The following C1QTNF7 variants were observed in gnomAD, a reference collection of about 807,000 sequenced individuals.
C1QTNF7 encodes complement C1q tumor necrosis factor-related protein 7.
In C1QTNF7, 15 loss-of-function variants were observed where a neutral mutation model predicts 19.6. That is an observed-to-expected ratio of 0.76 (90% confidence interval 0.51 to 1.18). The LOEUF is 1.18. Ranked by LOEUF, C1QTNF7 falls within the 50% of genes most tolerant of loss-of-function variation. The pLI, the probability that C1QTNF7 is intolerant of heterozygous loss-of-function variation, is 0.00. For synonymous variants in C1QTNF7, 142 were observed against 137.5 expected (o/e 1.03, Z -0.23); for missense variants, 324 against 359.7 (o/e 0.90, Z 0.80).
chr4:15,385,568 G>A (rs890609130), intron 1 of C1QTNF7, among the ~76,000 whole-genome samples: 1 of 152,214 alleles, frequency 6.6e-6, no homozygotes, highest in East Asian at 1.9e-4. Context: ...GGCAGTGGGA[G>A]GGGGATCATC....
chr4:15,406,415 G>A (rs1719198088), intron 1 of C1QTNF7, among the ~76,000 whole-genome samples: 1 of 152,120 alleles, frequency 6.6e-6, no homozygotes, highest in Non-Finnish European at 1.5e-5. Context: ...TATTAGAGAG[G>A]AAAAATGAAG....
chr4:15,385,843 C>T (rs1718316264), intron 1 of C1QTNF7, among the ~76,000 whole-genome samples: 1 of 152,226 alleles, frequency 6.6e-6, no homozygotes, highest in East Asian at 1.9e-4. Context: ...AAAATAGACA[C>T]ACACCGAAAG....
chr4:15,411,255 T>G (rs1221097922), intron 1 of C1QTNF7, among the ~76,000 whole-genome samples: 3 of 152,212 alleles, frequency 2.0e-5, no homozygotes, highest in Admixed American at 6.5e-5. Flanking sequence ...AACATCATTT[T>G]CTGAAGATGA....
chr4:15,344,009 G>A (rs993342954), intron 1 of C1QTNF7, among the ~76,000 whole-genome samples: 2 of 152,216 alleles, frequency 1.3e-5, no homozygotes, highest in East Asian at 3.9e-4. Flanking sequence ...ACTCCTCAGA[G>A]GAGGTAACAT....
intron 1 of C1QTNF7, chr4:15,374,540 C>T (rs1020349251): frequency 7.1e-6 from 7 of 984,176 alleles, no homozygotes; most frequent in Non-Finnish European, 8.4e-6. Flanking sequence ...TCTGTGTAGG[C>T]CACAGCGTCA....
intron 1 of C1QTNF7, among the ~76,000 whole-genome samples, chr4:15,340,366 G>A (rs567188732): frequency 6.6e-6 from 1 of 152,114 alleles, no homozygotes; most frequent in African/African-American, 2.4e-5. Context: ...GAAAACCTCC[G>A]CAGGAGAGCG....
intron 1 of C1QTNF7, among the ~76,000 whole-genome samples, chr4:15,433,330 G>A (rs75984791): frequency 0.1 from 15,657 of 151,778 alleles, 994 homozygotes; most frequent in East Asian, 0.31. Context: ...TTTTTTCTGG[G>A]GAGGGGGGTG....
upstream of C1QTNF7, among the ~76,000 whole-genome samples, chr4:15,425,793 T>A (rs1040082210): frequency 6.6e-6 from 1 of 152,186 alleles, no homozygotes. Flanking sequence ...TCATTACATA[T>A]CAGCTAGAAC....
intron 1 of C1QTNF7, among the ~76,000 whole-genome samples, chr4:15,354,363 G>C (rs1717053382): frequency 6.6e-6 from 1 of 152,112 alleles, no homozygotes; most frequent in African/African-American, 2.4e-5. Flanking sequence ...TGCCATCAAA[G>C]GTTTTTGATT....
exon 1 of C1QTNF7, chr4:15,339,994 C>A: frequency 1.5e-6 from 1 of 674,866 alleles, no homozygotes. Context: ...CTTCGTACAA[C>A]AGCATGAGCT....
At chr4:15,437,615 T>C (rs1207277004) in intron 2 of C1QTNF7, among the ~76,000 whole-genome samples, 1 of 152,232 alleles carries the variant, frequency 6.6e-6, no homozygotes, top group Non-Finnish European at 1.5e-5. Flanking sequence ...TTTAACCATA[T>C]ATGAGGCTAA....
upstream of C1QTNF7, among the ~76,000 whole-genome samples, chr4:15,425,459 C>T (rs560114212): frequency 5.3e-5 from 8 of 152,198 alleles, 1 homozygote; most frequent in East Asian, 1.5e-3. Context: ...TAATGGCTTG[C>T]AGCTACTGGA....
intron 1 of C1QTNF7, among the ~76,000 whole-genome samples, chr4:15,344,633 GA>G (rs1178975034): frequency 6.6e-6 from 1 of 152,162 alleles, no homozygotes; most frequent in Non-Finnish European, 1.5e-5. Flanking sequence ...CACTTTTATA[GA>G]AATCATAAAC....
At chr4:15,386,415 G>C (rs1264885082) in intron 1 of C1QTNF7, among the ~76,000 whole-genome samples, 2 of 152,052 alleles carry the variant, frequency 1.3e-5, no homozygotes, top group African/African-American at 2.4e-5. Context: ...ACACTGTTCT[G>C]GTTGCTCAGC....
intron 1 of C1QTNF7, 64 bp downstream of exon 1, chr4:15,428,170 A>G: frequency 1.3e-6 from 1 of 747,514 alleles, no homozygotes; most frequent in Non-Finnish European, 1.6e-6. Context: ...TGTTCTCGTG[A>G]CGGGAGCTTT....
intron 1 of C1QTNF7, among the ~76,000 whole-genome samples, chr4:15,386,321 T>C (rs1418867159): frequency 1.3e-5 from 2 of 152,166 alleles, no homozygotes; most frequent in African/African-American, 4.8e-5. Context: ...AGGTCATGGG[T>C]CCCAACCAAA....
upstream of C1QTNF7, among the ~76,000 whole-genome samples, chr4:15,424,616 A>G (rs895083865): frequency 3.3e-5 from 5 of 152,150 alleles, no homozygotes; most frequent in African/African-American, 1.2e-4. Context: ...TGCCTTCCTC[A>G]GTACCATCTC....
rs58804849 is a variant in C1QTNF7 at position 15,431,146 on chromosome 4, TA to T, written c.-9+3041del. Among the ~76,000 whole-genome samples the T allele has an allele frequency of 2.8e-3, 428 of 152,034 alleles. 2 individuals carry two copies. Among genetic ancestry groups the T allele is most frequent in the African/African-American group, 0.01 (415 of 41,442 alleles). ...GCTTATAACAGCAAAAGAAAGAAAA[TA>T]GTCCAAATACCCATCATAGGAAACT... On this transcript the variant is annotated intron_variant, in intron 1 of 2. Transcript: ENST00000444304.
intron 1 of C1QTNF7, among the ~76,000 whole-genome samples, chr4:15,407,784 G>A (rs976233240): frequency 4.6e-5 from 7 of 152,100 alleles, no homozygotes; most frequent in Admixed American, 2.0e-4. Context: ...CATGTTAGCC[G>A]GGTGTGGTGG....
Sources: allele counts gnomAD v4.1 joint callset (sites outside exome capture counted in the v4.1 genomes callset), GRCh38; gene constraint gnomAD v4.1.1; transcripts MANE v1.5; gene names NCBI Gene and HGNC (gene_info 2026-07-23, HGNC 2026-07-21).